Variants in YTHDC1 observed in about 807,000 individuals in gnomAD.
The protein encoded by YTHDC1 is YTH domain-containing protein 1.
A neutral mutation model predicts 107.0 loss-of-function variants in YTHDC1; 12 were observed. The ratio of observed to expected loss-of-function variants is 0.11; its 90% CI spans 0.07 to 0.18. The LOEUF is 0.18. Among genes scored for constraint, YTHDC1 ranks in the 10% least tolerant of loss-of-function variants. YTHDC1 has a pLI of 1.00. For synonymous variants in YTHDC1, 280 were observed against 289.5 expected, an observed-to-expected ratio of 0.97 and a Z score of 0.33; for missense variants, 635 against 898.8, an observed-to-expected ratio of 0.71 and a Z score of 3.75.
At chr4:68,337,994 G>GAT in intron 2 of YTHDC1, 94 bp from the exon 3 acceptor site, 1 of 1,488,870 alleles carries the variant, frequency 6.7e-7, no homozygotes, top group South Asian at 1.4e-5. Context: ...ATCAGGAAGG[G>GAT]GGGATAGGCC....
intron 1 of YTHDC1, among the ~76,000 whole-genome samples, chr4:68,342,008 G>C (rs1478748071): frequency 6.6e-6 from 1 of 152,112 alleles, no homozygotes; most frequent in Non-Finnish European, 1.5e-5. Flanking sequence ...GCTAATGACT[G>C]GGCTATGTGA....
At chr4:68,344,822 G>C (rs1167602863) in intron 1 of YTHDC1, among the ~76,000 whole-genome samples, 1 of 152,182 alleles carries the variant, frequency 6.6e-6, no homozygotes, top group African/African-American at 2.4e-5. Context: ...TATAGCTTGA[G>C]CTCAGGAGCT....
At chr4:68,338,760 G>A (rs960826691) in intron 1 of YTHDC1, among the ~76,000 whole-genome samples, 2 of 152,226 alleles carry the variant, frequency 1.3e-5, no homozygotes, top group Non-Finnish European at 2.9e-5. Flanking sequence ...TCAGGGACAA[G>A]AATCACTTGA....
Position 68,350,015 on chromosome 4 carries a change from A to G in YTHDC1, c.-262T>C. ...ACTCGGGCTAGGTATGGGGGAGGGA[A>G]GGGAAACAGATGGCGACGGCGGGCG... On this transcript the variant is annotated 5_prime_UTR_variant, in exon 1 of 17. Transcript: ENST00000344157. The G allele has an allele frequency of 1.8e-6, 1 of 567,954 alleles. No individual in the cohort carries two copies. Among genetic ancestry groups the G allele is most frequent in the East Asian group, 3.0e-5 (1 of 33,246 alleles). The allele number at this position is 567,954 out of a possible 1,614,324, so 35.2% of individuals were successfully genotyped here.
In YTHDC1 at chr4:68,313,081, C is replaced by T. The variant is rs1467225402; in HGVS notation, c.*1018G>A. On this transcript the variant is annotated 3_prime_UTR_variant, in exon 17 of 17. Transcript: ENST00000344157. ...AACGATTCTGTGATCAGAGTAGACT[C>T]AAAATGTTATCAGGTGTATAAATAC... is the stretch of plus-strand genomic sequence containing the variant. 6.6e-6 allele frequency: 1 copy of T among 152,150 alleles called. No individual in the cohort carries two copies. Among genetic ancestry groups the T allele is most frequent in the African/African-American group, 2.4e-5 (1 of 41,434 alleles). 9.4% of individuals were successfully genotyped at this position (152,150 alleles called of 1,614,324 possible).
intron 15 of YTHDC1, among the ~76,000 whole-genome samples, chr4:68,318,308 G>T (rs910712827): frequency 6.6e-6 from 1 of 152,118 alleles, no homozygotes; most frequent in Non-Finnish European, 1.5e-5. Flanking sequence ...CAGTTTCACC[G>T]TGTTGGCCAG....
At chr4:68,316,661 T>C (rs192604910) in intron 15 of YTHDC1, among the ~76,000 whole-genome samples, 1 of 152,314 alleles carries the variant, frequency 6.6e-6, no homozygotes, top group Admixed American at 6.5e-5. Context: ...ACTCCTATCA[T>C]ATAAATAACA....
chr4:68,338,258 C>T, intron 2 of YTHDC1, 25 bp downstream of exon 2: 1 of 1,561,404 alleles, frequency 6.4e-7, no homozygotes, highest in Non-Finnish European at 8.7e-7. Context: ...GTTATTTCAA[C>T]AAAAATAATA....
At chr4:68,324,004 CTT>C in intron 10 of YTHDC1, 133 bp downstream of exon 10, 2 of 725,814 alleles carry the variant, frequency 2.8e-6, no homozygotes, top group Non-Finnish European at 2.2e-6. Context: ...TTATTATAAA[CTT>C]CAGATAAGAT....
intron 11 of YTHDC1, among the ~76,000 whole-genome samples, chr4:68,321,625 G>A (rs1390420460): frequency 6.6e-6 from 1 of 152,102 alleles, no homozygotes. Context: ...AAGACATCTT[G>A]GTGCTCAGTC....
intron 7 of YTHDC1, among the ~76,000 whole-genome samples, chr4:68,331,622 G>C (rs1015254303): frequency 2.6e-5 from 4 of 152,122 alleles, no homozygotes; most frequent in South Asian, 2.1e-4. Context: ...GCAAAGTCTG[G>C]AGTGGATCTT....
At position 68,337,162 on chromosome 4, in the gene YTHDC1, A is replaced by G. The variant is rs1553905927; in HGVS notation, c.748T>C (p.Tyr250His). 1.2e-6 allele frequency: 2 copies of G among 1,612,610 alleles called. No individual in the cohort carries two copies. Among genetic ancestry groups the G allele is most frequent in the Admixed American group, 1.7e-5 (1 of 59,864 alleles). The change falls in exon 4 of 17, where the codon TAT (tyrosine) becomes CAT (histidine). Residue 250 changes from tyrosine to histidine, a missense_variant. Tyr to His is a moderately conservative substitution (Grantham distance 83, BLOSUM62 2). Around this residue, in one of 5 missense-constraint regions of YTHDC1, gnomAD observed 294 missense variants for 312.3 expected, o/e 0.94. Transcript: ENST00000344157. ...EEEEEEEEEE[Y>H]EQDERDQKEE... ...TTCTGGTCTCTCTCATCCTGTTCATATTCTTCTTCTTCCTCCTCCTCCTCC... is the reference window on the plus strand; with the variant it reads ...TTCTGGTCTCTCTCATCCTGTTCATGTTCTTCTTCTTCCTCCTCCTCCTCC...
Position 68,349,958 on chromosome 4 carries a change from G to T in YTHDC1, c.-205C>A. ...CCTTCCTTTCACTCCAGCATCCAGC[G>T]GCCTAGGCCCAGCCTTCTCGTTAGG... On this transcript the variant is annotated 5_prime_UTR_variant, in exon 1 of 17. Coordinates refer to ENST00000344157, the MANE Select transcript of YTHDC1 (RefSeq NM_001031732.4). 1 of 702,316 alleles carries T rather than the reference G, an allele frequency of 1.4e-6. No homozygotes were observed. Among genetic ancestry groups the T allele is most frequent in the Non-Finnish European group, 2.4e-6 (1 of 420,684 alleles). 43.5% of individuals were successfully genotyped at this position (702,316 alleles called of 1,614,324 possible).
intron 7 of YTHDC1, among the ~76,000 whole-genome samples, chr4:68,330,971 C>G (rs1723516101): frequency 6.6e-6 from 1 of 152,138 alleles, no homozygotes; most frequent in African/African-American, 2.4e-5. Context: ...ACATCTCATT[C>G]AAACTAAGTG....
At chr4:68,326,912 G>A (rs115609385) in intron 9 of YTHDC1, among the ~76,000 whole-genome samples, 211 of 151,564 alleles carry the variant, frequency 1.4e-3, no homozygotes, top group African/African-American at 4.9e-3. Context: ...CTTATATGCT[G>A]GACAGTGGTT....
chr4:68,349,630 A>AGCCCCC lies in YTHDC1; in HGVS notation c.28+95_28+96insGGGGGC, dbSNP rs1491530904. 1,383 of 153,720 alleles carry AGCCCCC rather than the reference A, an allele frequency of 9.0e-3. 1 individual carries two copies. The highest frequency in any genetic ancestry group is 0.017 in the South Asian group (380 of 22,512). The allele number at this position is 153,720 out of a possible 1,614,324, so 9.5% of individuals were successfully genotyped here. A position where few individuals can be genotyped will look rare whatever the true frequency, so the allele number is the denominator to read the frequency against. ...CCTCGCGAGGCCAGCTAACCTCCCC[A>AGCCCCC]ACCCCCACCCCCCACCCCCAACGAC... On this transcript the variant is annotated intron_variant, in intron 1 of 16. Transcript: ENST00000344157.
intron 9 of YTHDC1, among the ~76,000 whole-genome samples, chr4:68,329,093 T>G (rs886305220): frequency 1.3e-5 from 2 of 152,138 alleles, no homozygotes; most frequent in African/African-American, 2.4e-5. Context: ...TCACAGCTCC[T>G]CACTATCCTA....
intron 1 of YTHDC1, among the ~76,000 whole-genome samples, chr4:68,341,162 C>G (rs962765635): frequency 6.6e-6 from 1 of 152,040 alleles, no homozygotes; most frequent in Non-Finnish European, 1.5e-5. Context: ...CTCAAATGTT[C>G]CAGTTGACCA....
chr4:68,339,341 G>C (rs555721742), intron 1 of YTHDC1, among the ~76,000 whole-genome samples: 1 of 152,322 alleles, frequency 6.6e-6, no homozygotes, highest in East Asian at 1.9e-4. Context: ...ATGAAACAAA[G>C]AGTAAGAACT....
Sources: allele counts gnomAD v4.1 joint callset (sites outside exome capture counted in the v4.1 genomes callset), GRCh38; gene constraint gnomAD v4.1.1; regional missense constraint gnomAD v4.1.1; transcripts MANE v1.5; gene names NCBI Gene and HGNC (gene_info 2026-07-23, HGNC 2026-07-21).